The following NDUFAF6 variants were observed in gnomAD, a reference collection of about 807,000 sequenced individuals.
NDUFAF6 encodes the protein NADH:ubiquinone oxidoreductase complex assembly factor 6, also known as NADH dehydrogenase (ubiquinone) complex I, assembly factor 6.
A neutral mutation model predicts 40.8 loss-of-function variants in NDUFAF6; 45 were observed. The observed-to-expected ratio is 1.10, with a 90% confidence interval of 0.87 to 1.42. The LOEUF (loss-of-function observed/expected upper bound fraction) is 1.42, where lower values mean the gene tolerates loss of function less well. NDUFAF6 is among the 40% of genes most tolerant of loss of function. NDUFAF6 has a pLI of 0.00. For synonymous variants in NDUFAF6, 185 were observed against 155.9 expected, an observed-to-expected ratio of 1.19 and a Z score of -1.39; for missense variants, 435 against 418.5, an observed-to-expected ratio of 1.04 and a Z score of -0.34.
chr8:95,071,079 A>G (rs972723275), intron 9 of NDUFAF6, among the ~76,000 whole-genome samples: 1 of 152,108 alleles, frequency 6.6e-6, no homozygotes, highest in Non-Finnish European at 1.5e-5. Flanking sequence ...TGTTCATACC[A>G]TATGATTAAT....
rs868671228 is a variant in NDUFAF6 at position 94,909,382 on chromosome 8, A to C, written c.-936+13455A>C. 6.4e-3 allele frequency among the ~76,000 whole-genome samples: 370 copies of C among 58,076 alleles called. 10 individuals carry two copies. The highest frequency in any genetic ancestry group is 0.01 in the Non-Finnish European group (287 of 27,582). The allele number at this position is 58,076 out of a possible 152,430, so 38.1% of individuals were successfully genotyped here. On this transcript the variant is annotated intron_variant, in intron 1 of 14. Transcript: ENST00000396113. ...AAAAAAAAAAAAAAAAAAAAAAAAA[A>C]CACTTCGGGAGGCCAAGGCGGATCA...
At chr8:94,921,949 TG>T (rs1819530912) in intron 1 of NDUFAF6, among the ~76,000 whole-genome samples, 1 of 152,234 alleles carries the variant, frequency 6.6e-6, no homozygotes, top group Non-Finnish European at 1.5e-5. Context: ...GGCTCTATCC[TG>T]GATTTACTGA....
chr8:95,118,466 G>C (rs1169112963), downstream of NDUFAF6, among the ~76,000 whole-genome samples: 2 of 152,020 alleles, frequency 1.3e-5, no homozygotes, highest in Non-Finnish European at 2.9e-5. Context: ...AGCTGACTTT[G>C]GGTGAGAAAT....
chr8:94,956,699 G>C (rs1336063370), upstream of NDUFAF6, among the ~76,000 whole-genome samples: 2 of 152,180 alleles, frequency 1.3e-5, no homozygotes, highest in South Asian at 2.1e-4. Context: ...AGAGGATGGA[G>C]GGTGGGGTTA....
intron 1 of NDUFAF6, among the ~76,000 whole-genome samples, chr8:94,977,522 T>TAAAAAAA (rs748596014): frequency 9.5e-6 from 1 of 104,806 alleles, no homozygotes; most frequent in Non-Finnish European, 1.9e-5. Context: ...ACCCTGTCTC[T>TAAAAAAA]AAAAAAAAAA....
At chr8:95,051,734 G>A (rs1348585792) in intron 7 of NDUFAF6, among the ~76,000 whole-genome samples, 1 of 152,128 alleles carries the variant, frequency 6.6e-6, no homozygotes, top group South Asian at 2.1e-4. Flanking sequence ...AAATGATGAT[G>A]TGAGGACATT....
At chr8:95,109,423 C>G (rs1352789603) in intron 4 of NDUFAF6, among the ~76,000 whole-genome samples, 3 of 152,206 alleles carry the variant, frequency 2.0e-5, no homozygotes, top group Non-Finnish European at 4.4e-5. Flanking sequence ...TCTTTCTTAG[C>G]TTCATCTAAC....
chr8:94,953,483 C>T (rs745350244), upstream of NDUFAF6, among the ~76,000 whole-genome samples: 1 of 152,196 alleles, frequency 6.6e-6, no homozygotes, highest in South Asian at 2.1e-4. Context: ...CTTGAAGAGG[C>T]GCACTGTGTG....
In NDUFAF6 at chr8:95,058,280, C is replaced by T. The variant is rs1832435824; in HGVS notation, c.*343C>T. 2 of 1,288,354 alleles carry T rather than the reference C, an allele frequency of 1.6e-6. No homozygotes were observed. Among genetic ancestry groups the T allele is most frequent in the East Asian group, 5.9e-5 (2 of 34,154 alleles). 79.8% of individuals were successfully genotyped at this position (1,288,354 alleles called of 1,614,324 possible). A position where few individuals can be genotyped will look rare whatever the true frequency, so the allele number is the denominator to read the frequency against. Reference sequence around the variant, plus strand: ...AAGGAATGTCATTCTCCCTTCACCACTGGGGAAGGAAAGGGGAAAGGGCTC... The same window carrying T: ...AAGGAATGTCATTCTCCCTTCACCATTGGGGAAGGAAAGGGGAAAGGGCTC... On this transcript the variant is annotated 3_prime_UTR_variant, in exon 9 of 9. Transcript: ENST00000396124.
chr8:95,116,753 C>T (rs76471882), downstream of NDUFAF6, among the ~76,000 whole-genome samples: 4,991 of 152,282 alleles, frequency 0.033, 78 homozygotes, highest in Middle Eastern at 0.058. Context: ...TGTGTTGACA[C>T]TATTAGTTAG....
At chr8:95,068,576 G>A (rs1011766303) in intron 9 of NDUFAF6, 2 of 151,900 alleles carry the variant, frequency 1.3e-5, no homozygotes, top group Non-Finnish European at 2.9e-5. Flanking sequence ...TGGGCAGTCT[G>A]ATTCCAAAGC....
In NDUFAF6 at chr8:94,930,453, AAACC is replaced by A. The variant is rs1386369307; in HGVS notation, c.-935-15022_-935-15019del. 23 of 1,612,794 alleles carry A rather than the reference AAACC, an allele frequency of 1.4e-5. 1 individual carries two copies. Among genetic ancestry groups the A allele is most frequent in the East Asian group, 4.5e-5 (2 of 44,858 alleles). ...CATACATGTAAGCACAAACCAAGAGAAACCAACCAACAAAACTTGAAACTATTAG... is the reference window on the plus strand; with the variant it reads ...CATACATGTAAGCACAAACCAAGAGAAACCAACAAAACTTGAAACTATTAG... On this transcript the variant is annotated intron_variant, in intron 1 of 14. Coordinates refer to the NDUFAF6 transcript ENST00000396113.
intron 1 of NDUFAF6, chr8:94,941,082 G>T: frequency 1.6e-6 from 1 of 617,340 alleles, no homozygotes; most frequent in Non-Finnish European, 2.8e-6. Context: ...AGCAAGAAGA[G>T]TCATTGTACC....
chr8:95,062,430 T>G (rs1027287048), downstream of NDUFAF6, among the ~76,000 whole-genome samples: 1 of 152,196 alleles, frequency 6.6e-6, no homozygotes, highest in African/African-American at 2.4e-5. Flanking sequence ...TGAACCAAAT[T>G]AGGCCTGCAG....
At chr8:94,905,048 C>T (rs9643350) in intron 1 of NDUFAF6, among the ~76,000 whole-genome samples, 3 of 151,268 alleles carry the variant, frequency 2.0e-5, no homozygotes, top group African/African-American at 7.3e-5. Flanking sequence ...AAAAACATAA[C>T]AATTATCTGG....
chr8:95,047,086 A>C lies in NDUFAF6; in HGVS notation c.673A>C (p.Ser225Arg). 1 of 1,614,198 alleles carries C rather than the reference A, an allele frequency of 6.2e-7. No individual in the cohort carries two copies. Among genetic ancestry groups the C allele is most frequent in the Non-Finnish European group, 8.5e-7 (1 of 1,180,020 alleles). The change falls in exon 6 of 9, where the codon AGC becomes CGC. Residue 225 changes from serine (S) to arginine (R), a missense_variant. By Grantham distance (110) the Ser-to-Arg change is moderately radical (BLOSUM62 -1). Transcript: ENST00000396124. Reference protein sequence around the residue: ...TCLRATPYHGSRRKVFLPMDI... With the variant: ...TCLRATPYHGRRRKVFLPMDI... Reference sequence around the variant, plus strand: ...CTTGAGAGCAACACCATATCATGGGAGCAGAAGAAAGGTGTTCCTTCCCAT... The same window carrying C: ...CTTGAGAGCAACACCATATCATGGGCGCAGAAGAAAGGTGTTCCTTCCCAT...
At chr8:94,996,425 G>A (rs1826434157) in intron 2 of NDUFAF6, among the ~76,000 whole-genome samples, 1 of 152,140 alleles carries the variant, frequency 6.6e-6, no homozygotes, top group Non-Finnish European at 1.5e-5. Context: ...CTATTTTCAT[G>A]TATTTAACTG....
downstream of NDUFAF6, among the ~76,000 whole-genome samples, chr8:95,063,140 C>T (rs1020155416): frequency 3.3e-5 from 5 of 152,316 alleles, no homozygotes; most frequent in Non-Finnish European, 7.3e-5. Flanking sequence ...AGCACTTCTC[C>T]ACAGGTGGTC....
rs35262371 is a variant in NDUFAF6 at position 94,923,846 on chromosome 8, A to ATT, written c.-935-21625_-935-21624dup. On this transcript the variant is annotated intron_variant, in intron 1 of 14. Transcript: ENST00000396113. ...AGGTGCCCGCCACCACGCCCGACTA[A>ATT]TTTTTTTTTTTTTCTGTATTTTTAG... Among the ~76,000 whole-genome samples, 280 of 143,430 alleles carry ATT rather than the reference A, an allele frequency of 2.0e-3. 1 individual carries two copies. The highest frequency in any genetic ancestry group is 0.014 in the South Asian group (61 of 4,470). 94.1% of individuals were successfully genotyped at this position (143,430 alleles called of 152,430 possible). A position where few individuals can be genotyped will look rare whatever the true frequency, so the allele number is the denominator to read the frequency against.
Sources: allele counts gnomAD v4.1 joint callset (sites outside exome capture counted in the v4.1 genomes callset), GRCh38; gene constraint gnomAD v4.1.1; transcripts MANE v1.5; gene names NCBI Gene and HGNC (gene_info 2026-07-23, HGNC 2026-07-21).